The following DNAH14 variants were observed in gnomAD, a reference collection of about 807,000 sequenced individuals.
DNAH14 encodes the protein dynein axonemal heavy chain 14.
In DNAH14, 478 loss-of-function variants were observed where a neutral mutation model predicts 520.9. The ratio of observed to expected loss-of-function variants is 0.92; its 90% CI spans 0.85 to 0.99. The LOEUF (loss-of-function observed/expected upper bound fraction) is 0.99, where lower values mean the gene tolerates loss of function less well. Among genes scored for constraint, DNAH14 ranks in the 50% least tolerant of loss-of-function variants. DNAH14 has a pLI of 0.00. For missense variants in DNAH14, 4,831 were observed against 5,234.5 expected (o/e 0.92, Z 2.38); for synonymous variants, 1,581 against 1,757.2 (o/e 0.90, Z 2.51).
intron 61 of DNAH14, among the ~76,000 whole-genome samples, chr1:225,322,152 G>A (rs551538191): frequency 3.5e-4 from 51 of 144,338 alleles, no homozygotes; most frequent in Admixed American, 1.9e-3. Flanking sequence ...GAACAGTGGC[G>A]TGATCTTGGC....
chr1:225,371,925 A>T (rs192468225), intron 77 of DNAH14, among the ~76,000 whole-genome samples: 3 of 152,324 alleles, frequency 2.0e-5, no homozygotes, highest in Admixed American at 2.0e-4. Flanking sequence ...AGAGCTTAAA[A>T]TATTTGGATT....
At chr1:225,256,279 G>A (rs776952495) in intron 44 of DNAH14, among the ~76,000 whole-genome samples, 1 of 152,050 alleles carries the variant, frequency 6.6e-6, no homozygotes, top group Non-Finnish European at 1.5e-5. Context: ...TATTTAAAGT[G>A]GCAAAAACAG....
Position 225,140,718 on chromosome 1 carries a change from T to A in DNAH14, c.4255-50T>A, listed in dbSNP as rs1573447577. ...ATTTGAATAAAATTTATGCTTCAATTATATATATATAGAGAGAGATATATA... is the reference window on the plus strand; with the variant it reads ...ATTTGAATAAAATTTATGCTTCAATAATATATATATAGAGAGAGATATATA... On this transcript the variant is annotated intron_variant, in intron 27 of 85. Transcript: ENST00000682510. 12 of 1,207,888 alleles carry A rather than the reference T, an allele frequency of 9.9e-6. No homozygotes were observed. The East Asian group carries it at 3.2e-4, about 32-fold the overall frequency. The allele number at this position is 1,207,888 out of a possible 1,614,324, so 74.8% of individuals were successfully genotyped here. A position where few individuals can be genotyped will look rare whatever the true frequency, so the allele number is the denominator to read the frequency against.
intron 69 of DNAH14, among the ~76,000 whole-genome samples, chr1:225,342,152 C>G (rs2095198203): frequency 6.6e-6 from 1 of 152,032 alleles, no homozygotes; most frequent in South Asian, 2.1e-4. Flanking sequence ...TTACCAGATA[C>G]TGTAGTAAAA....
rs576201309 is a variant in DNAH14, at chr1:225,051,580, G to A, written c.2209G>A (p.Glu737Lys). Residue 737 changes from glutamate to lysine, a missense_variant, in exon 17 of 86, where the codon GAA (glutamate) becomes AAA (lysine). Glu to Lys is a moderately conservative substitution (Grantham distance 56). Coordinates refer to ENST00000682510, the MANE Select transcript of DNAH14 (RefSeq NM_001367479.1). ...GAGTATGAAAATATCATCTATGGGA[G>A]AATTAACTTCAAAAGAATTTGAAGC... ...IMSMKISSMGELTSKEFEAIL... is the reference protein window; with the variant it reads ...IMSMKISSMGKLTSKEFEAIL... The A allele has an allele frequency of 6.8e-5, 106 of 1,550,868 alleles. No homozygotes were observed. Among genetic ancestry groups the A allele is most frequent in the South Asian group, 4.2e-4 (35 of 84,016 alleles).
intron 37 of DNAH14, among the ~76,000 whole-genome samples, chr1:225,192,265 G>A (rs992722454): frequency 6.6e-6 from 1 of 152,028 alleles, no homozygotes; most frequent in Non-Finnish European, 1.5e-5. Context: ...TGACATCTGA[G>A]ATACATAAAA....
intron 54 of DNAH14, among the ~76,000 whole-genome samples, chr1:225,286,895 G>A (rs987540010): frequency 1.3e-5 from 2 of 152,144 alleles, no homozygotes; most frequent in Non-Finnish European, 2.9e-5. Context: ...ATATTATTAA[G>A]AGATAAAAAG....
At chr1:225,174,009 G>T (rs2083025124) in intron 36 of DNAH14, among the ~76,000 whole-genome samples, 1 of 152,036 alleles carries the variant, frequency 6.6e-6, no homozygotes, top group Non-Finnish European at 1.5e-5. Flanking sequence ...ACTATCGCAA[G>T]GACAAAAAAC....
intron 3 of DNAH14, among the ~76,000 whole-genome samples, 154 bp downstream of exon 3, chr1:224,955,252 C>T (rs939571953): frequency 1.3e-5 from 2 of 151,216 alleles, no homozygotes; most frequent in Non-Finnish European, 2.9e-5. Flanking sequence ...TAGCAGTTAG[C>T]AGTGTCTTCA....
At chr1:225,039,939 CTT>C (rs570032977) in intron 12 of DNAH14, among the ~76,000 whole-genome samples, 2,734 of 116,064 alleles carry the variant, frequency 0.024, 113 homozygotes, top group African/African-American at 0.082. Context: ...GTTATCTTTT[CTT>C]TTTTTTTTTT....
intron 69 of DNAH14, among the ~76,000 whole-genome samples, chr1:225,342,828 G>A (rs949946665): frequency 6.6e-6 from 1 of 151,954 alleles, no homozygotes; most frequent in Non-Finnish European, 1.5e-5. Flanking sequence ...TTGGGGCGGG[G>A]ATGCCATGGG....
Position 225,209,850 on chromosome 1 carries a change from C to T in DNAH14, c.6439+2630C>T, listed in dbSNP as rs145569410. 2.8e-3 allele frequency among the ~76,000 whole-genome samples: 422 copies of T among 152,154 alleles called. 3 individuals are homozygous for T. The highest frequency in any genetic ancestry group is 9.4e-3 in the African/African-American group (392 of 41,498). ...GACAGTGAGTGTAGCCCACAAAGGG[C>T]GAGCAGAAGCAGGGTGGGGCATCAC... On this transcript the variant is annotated intron_variant, in intron 41 of 85. Coordinates refer to ENST00000682510, the MANE Select transcript of DNAH14 (RefSeq NM_001367479.1).
At chr1:225,133,079 T>C (rs557621726) in intron 27 of DNAH14, among the ~76,000 whole-genome samples, 157 of 152,314 alleles carry the variant, frequency 1.0e-3, no homozygotes, top group Non-Finnish European at 2.0e-3. Flanking sequence ...GTTTTTTTTC[T>C]CTTGTAAATG....
At chr1:225,149,528 G>C (rs1415037803) in intron 31 of DNAH14, among the ~76,000 whole-genome samples, 2 of 152,074 alleles carry the variant, frequency 1.3e-5, no homozygotes. Context: ...TGGACAGTAT[G>C]GTCATTTTAG....
intron 75 of DNAH14, among the ~76,000 whole-genome samples, chr1:225,362,540 A>G (rs1452936991): frequency 6.7e-6 from 1 of 149,428 alleles, no homozygotes; most frequent in Non-Finnish European, 1.5e-5. Flanking sequence ...GTGCCACTGC[A>G]CTCCAGCCTG....
At chr1:225,335,545 G>GTATATACATATGTACA (rs2094959708) in intron 66 of DNAH14, among the ~76,000 whole-genome samples, 5 of 70,034 alleles carry the variant, frequency 7.1e-5, no homozygotes, top group South Asian at 3.8e-4. Context: ...ACATATATAC[G>GTATATACATATGTACA]TATATACATA....
At chr1:225,030,370 G>A (rs2066438583) in intron 11 of DNAH14, among the ~76,000 whole-genome samples, 1 of 151,840 alleles carries the variant, frequency 6.6e-6, no homozygotes, top group African/African-American at 2.4e-5. Context: ...TGATAAACAA[G>A]AGTTTTTAAT....
chr1:224,954,866 A>T, intron 2 of DNAH14, 93 bp from the exon 3 acceptor site: 1 of 937,222 alleles, frequency 1.1e-6, no homozygotes, highest in East Asian at 2.5e-5. Flanking sequence ...TTTTAATTAT[A>T]AATGTGAAAT....
chr1:225,195,155 G>T (rs544374191), intron 38 of DNAH14, among the ~76,000 whole-genome samples: 1 of 151,974 alleles, frequency 6.6e-6, no homozygotes, highest in Admixed American at 6.5e-5. Context: ...CCCATTATTG[G>T]GCATATATGC....
Sources: allele counts gnomAD v4.1 joint callset (sites outside exome capture counted in the v4.1 genomes callset), GRCh38; gene constraint gnomAD v4.1.1; transcripts MANE v1.5; gene names NCBI Gene and HGNC (gene_info 2026-07-23, HGNC 2026-07-21).